The following ADAMTS2 variants were observed in gnomAD, a reference collection of about 807,000 sequenced individuals.
ADAMTS2 encodes ADAM metallopeptidase with thrombospondin type 1 motif 2.
Under a neutral mutation model 123.0 loss-of-function variants are expected in ADAMTS2, and 50 were observed. That is an observed-to-expected ratio of 0.41 (90% confidence interval 0.32 to 0.51). The LOEUF (loss-of-function observed/expected upper bound fraction) is 0.51, where lower values mean the gene tolerates loss of function less well. Ranked by LOEUF, ADAMTS2 falls within the 20% of genes least tolerant of loss-of-function variation. ADAMTS2 has a pLI of 0.35. For synonymous variants in ADAMTS2, 678 were observed against 695.4 expected, an observed-to-expected ratio of 0.98 and a Z score of 0.39; for missense variants, 1,494 against 1,705.2, an observed-to-expected ratio of 0.88 and a Z score of 2.18.
chr5:179,339,755 C>A (rs1757715006), intron 2 of ADAMTS2, among the ~76,000 whole-genome samples: 1 of 152,250 alleles, frequency 6.6e-6, no homozygotes, highest in Admixed American at 6.5e-5. Flanking sequence ...GAAGACCCTA[C>A]CAGCGGCAGC....
intron 5 of ADAMTS2, among the ~76,000 whole-genome samples, chr5:179,176,995 C>T (rs1046460494): frequency 3.9e-5 from 6 of 152,134 alleles, no homozygotes; most frequent in African/African-American, 1.4e-4. Context: ...TTTTCCTGAC[C>T]TTGTAAGGAA....
chr5:179,140,849 T>TGGACA (rs1354318692), intron 10 of ADAMTS2, among the ~76,000 whole-genome samples: 1 of 131,966 alleles, frequency 7.6e-6, no homozygotes, highest in African/African-American at 2.7e-5. Context: ...CCCCCCAGGT[T>TGGACA]GGAGTGCAGT....
intron 2 of ADAMTS2, among the ~76,000 whole-genome samples, chr5:179,324,858 G>C (rs1045519476): frequency 6.6e-6 from 1 of 152,186 alleles, no homozygotes; most frequent in African/African-American, 2.4e-5. Flanking sequence ...TGCTGGAAGA[G>C]GGGTGATGAG....
At position 179,345,282 on chromosome 5, in the gene ADAMTS2, AGC is replaced by A; in HGVS notation, c.45_46del (p.Leu16AlafsTer49). 8.7e-7 allele frequency: 1 copy of A among 1,152,324 alleles called. No homozygotes were observed. The allele number at this position is 1,152,324 out of a possible 1,614,324, so 71.4% of individuals were successfully genotyped here. On this transcript the variant is annotated frameshift_variant, in exon 1 of 22. Coordinates refer to ENST00000251582, the MANE Select transcript of ADAMTS2 (RefSeq NM_014244.5). LOFTEE classifies it high-confidence loss of function. This position sits in a 1 kb window ranked among gnomAD's most constrained non-coding sequence, Gnocchi z 7.5. Reference sequence around the variant, plus strand: ...CGGCAGCAGCAGCAGCAGCAGCAGCAGCGCGGGGCAGAGCAGGCGGCGAGCGG... The same window carrying A: ...CGGCAGCAGCAGCAGCAGCAGCAGCAGCGGGGCAGAGCAGGCGGCGAGCGG...
Position 179,289,975 on chromosome 5 carries a change from C to G in ADAMTS2, c.535-16911G>C, listed in dbSNP as rs537182892. 5.3e-5 allele frequency among the ~76,000 whole-genome samples: 8 copies of G among 152,318 alleles called. No individual in the cohort carries two copies. The South Asian group carries it at 1.2e-3, about 24-fold the overall frequency. ...GGAGAGACACAACAACTAAATGCCA[C>G]GTGGGATCCTGAGGGGGAGCCTGAA... On this transcript the variant is annotated intron_variant, in intron 2 of 21. Coordinates refer to ENST00000251582, the MANE Select transcript of ADAMTS2 (RefSeq NM_014244.5).
chr5:179,246,091 G>C (rs1242741469), intron 3 of ADAMTS2, among the ~76,000 whole-genome samples: 1 of 152,196 alleles, frequency 6.6e-6, no homozygotes, highest in African/African-American at 2.4e-5. Context: ...TTTGGTGACA[G>C]TGGGTTATGG....
chr5:179,343,980 A>G lies in ADAMTS2; in HGVS notation c.321T>C (p.Ser107=), dbSNP rs2271212. The G allele has an allele frequency of 0.37, 600,556 of 1,612,154 alleles. 115,671 individuals are homozygous for G. The highest frequency in any genetic ancestry group is 0.51 in the South Asian group (46,800 of 90,996). The change falls in exon 2 of 22, where the codon AGT becomes AGC. Residue 107 remains serine (S), a synonymous_variant. Transcript: ENST00000251582. ...FPGGNEEEPG[S]HLFYNVTVFG... is the part of the protein sequence containing the mutation. ...AGACCGTGACATTGTAGAAGAGGTG[A>G]CTGCCAGGCTCCTCCTCGTTGCCTC...
At position 179,173,257 on chromosome 5, in the gene ADAMTS2, C is replaced by T. The variant is rs1045078767; in HGVS notation, c.975+7815G>A. On this transcript the variant is annotated intron_variant, in intron 5 of 21. Coordinates refer to ENST00000251582, the MANE Select transcript of ADAMTS2 (RefSeq NM_014244.5). ...AATAATAATAATAATAAAAACCATGCTCATCATATTGAATTTAAAAAATTC... is the reference window on the plus strand; with the variant it reads ...AATAATAATAATAATAAAAACCATGTTCATCATATTGAATTTAAAAAATTC... Among the ~76,000 whole-genome samples the T allele has an allele frequency of 1.3e-4, 19 of 145,328 alleles. No individual in the cohort carries two copies. In the South Asian group the frequency reaches 4.1e-3, roughly 31 times the overall value.
intron 5 of ADAMTS2, among the ~76,000 whole-genome samples, chr5:179,172,714 T>G (rs1763848751): frequency 6.6e-6 from 1 of 152,244 alleles, no homozygotes; most frequent in Non-Finnish European, 1.5e-5. Flanking sequence ...GAATTCTCTT[T>G]GATGTCTTCA....
At chr5:179,255,627 G>A (rs1252148476) in intron 3 of ADAMTS2, among the ~76,000 whole-genome samples, 1 of 152,178 alleles carries the variant, frequency 6.6e-6, no homozygotes, top group Admixed American at 6.5e-5. Flanking sequence ...AGACCTGGCT[G>A]GGGCCTGACT....
intron 3 of ADAMTS2, among the ~76,000 whole-genome samples, chr5:179,213,617 G>A (rs1327527471): frequency 2.0e-5 from 3 of 152,176 alleles, no homozygotes; most frequent in African/African-American, 7.2e-5. Flanking sequence ...GTGGGGAGCC[G>A]AGAACAGGAG....
chr5:179,189,728 AT>A lies in ADAMTS2; in HGVS notation c.892-8574del, dbSNP rs1358672663. 4.0e-5 allele frequency among the ~76,000 whole-genome samples: 6 copies of A among 148,606 alleles called. No homozygotes were observed. Among genetic ancestry groups the A allele is most frequent in the African/African-American group, 1.5e-4 (6 of 40,068 alleles). ...CTCAAGGGCGGAAGAATATTACAAA[AT>A]ATCTTCTTAAGGTAGGGGGGGACAA... On this transcript the variant is annotated intron_variant, in intron 4 of 21. Coordinates refer to ENST00000251582, the MANE Select transcript of ADAMTS2 (RefSeq NM_014244.5). This position sits in a 1 kb window ranked among gnomAD's most constrained non-coding sequence, Gnocchi z 4.2.
At position 179,158,993 on chromosome 5, in the gene ADAMTS2, G is replaced by T; in HGVS notation, c.976-114C>A. 7.2e-7 allele frequency: 1 copy of T among 1,380,460 alleles called. No homozygotes were observed. The highest frequency in any genetic ancestry group is 9.9e-7 in the Non-Finnish European group (1 of 1,011,914). 85.5% of individuals were successfully genotyped at this position (1,380,460 alleles called of 1,614,324 possible). A position where few individuals can be genotyped will look rare whatever the true frequency, so the allele number is the denominator to read the frequency against. On this transcript the variant is annotated intron_variant, in intron 5 of 21. Coordinates refer to ENST00000251582, the MANE Select transcript of ADAMTS2 (RefSeq NM_014244.5). This position sits in a 1 kb window ranked among gnomAD's most constrained non-coding sequence, Gnocchi z 5.0. ...CATCCACTGGGAATCTGTTCCAGGTGGTACAAAGGCCCTGCCCGGTCACTC... is the reference window on the plus strand; with the variant it reads ...CATCCACTGGGAATCTGTTCCAGGTTGTACAAAGGCCCTGCCCGGTCACTC...
At chr5:179,139,019 A>G (rs1257016542) in intron 11 of ADAMTS2, among the ~76,000 whole-genome samples, 2 of 152,232 alleles carry the variant, frequency 1.3e-5, no homozygotes, top group Non-Finnish European at 2.9e-5. Flanking sequence ...GATTGTCAAT[A>G]TTTTCAGGCA....
chr5:179,204,294 G>T (rs1581187705), intron 4 of ADAMTS2, among the ~76,000 whole-genome samples: 2 of 152,352 alleles, frequency 1.3e-5, no homozygotes, highest in Non-Finnish European at 2.9e-5. Flanking sequence ...ACATGAATGT[G>T]CTTACGCCAC....
At chr5:179,264,402 A>C (rs1009210969) in intron 3 of ADAMTS2, among the ~76,000 whole-genome samples, 4 of 152,210 alleles carry the variant, frequency 2.6e-5, no homozygotes, top group Non-Finnish European at 4.4e-5. Context: ...TGTCACAGAC[A>C]TGAAAAGATG....
intron 2 of ADAMTS2, among the ~76,000 whole-genome samples, chr5:179,326,738 G>A (rs971207248): frequency 5.9e-5 from 9 of 152,120 alleles, no homozygotes; most frequent in African/African-American, 1.7e-4. Context: ...ATGAGAAACA[G>A]GAGGCTCGCT....
In ADAMTS2 at chr5:179,115,435, C is replaced by T. The variant is rs144485056; in HGVS notation, c.3179-1111G>A. Among the ~76,000 whole-genome samples, 566 of 152,230 alleles carry T rather than the reference C, an allele frequency of 3.7e-3. 4 individuals are homozygous for T. The highest frequency in any genetic ancestry group is 0.013 in the African/African-American group (541 of 41,522). On this transcript the variant is annotated intron_variant, in intron 21 of 21. Transcript: ENST00000251582. The surrounding 1 kb of genome is among the most constrained non-coding windows in gnomAD (Gnocchi z 4.4). The stretch of plus-strand genomic sequence containing the variant: ...GAGATACTTGATCCAGTATAAATTC[C>T]GAATCACTGACCTCCGTGAGCCCAA...
At position 179,272,731 on chromosome 5, in the gene ADAMTS2, G is replaced by T. The variant is rs1766572806; in HGVS notation, c.688+180C>A. ...CAGAACAGAGGCCCCAGCCCCAGCAGCCCTGCTACGCCCTGCCGTCAGCCA... is the reference window on the plus strand; with the variant it reads ...CAGAACAGAGGCCCCAGCCCCAGCATCCCTGCTACGCCCTGCCGTCAGCCA... On this transcript the variant is annotated intron_variant, in intron 3 of 21. Transcript: ENST00000251582. The surrounding 1 kb of genome is among the most constrained non-coding windows in gnomAD (Gnocchi z 5.8). 6.6e-6 allele frequency among the ~76,000 whole-genome samples: 1 copy of T among 152,182 alleles called. No homozygotes were observed. Among genetic ancestry groups the T allele is most frequent in the Admixed American group, 6.5e-5 (1 of 15,284 alleles).
Sources: allele counts gnomAD v4.1 joint callset (sites outside exome capture counted in the v4.1 genomes callset), GRCh38; gene constraint gnomAD v4.1.1; non-coding constraint Gnocchi (gnomAD v3.1); transcripts MANE v1.5; gene names NCBI Gene and HGNC (gene_info 2026-07-23, HGNC 2026-07-21).